The following ACO2 variants were observed in gnomAD, a reference collection of about 807,000 sequenced individuals.
ACO2 encodes aconitase 2.
ACO2 carries 31 observed loss-of-function variants against 84.5 expected under a neutral mutation model. That is an observed-to-expected ratio of 0.37 (90% CI 0.28 to 0.50). The LOEUF (loss-of-function observed/expected upper bound fraction) is 0.50. ACO2 is among the 20% of genes least tolerant of loss of function. The probability of loss-of-function intolerance (pLI) is 0.97; values close to 1 mark genes in which losing one functional copy is unlikely to be tolerated. For synonymous variants in ACO2, 414 were observed against 412.7 expected, an observed-to-expected ratio of 1.00 and a Z score of -0.04; for missense variants, 685 against 1,029.3, an observed-to-expected ratio of 0.67 and a Z score of 4.58.
In ACO2 at chr22:41,523,208, C is replaced by T. The variant is rs1419587280; in HGVS notation, c.1300C>T (p.Gln434Ter). 6.2e-7 allele frequency: 1 copy of T among 1,611,732 alleles called. No homozygotes were observed. The change falls in exon 11 of 18, where the codon CAG (glutamine) becomes TAG (stop). Residue 434 changes from glutamine (Q) to a stop codon, truncating the protein, a stop_gained. Coordinates refer to ENST00000216254, the MANE Select transcript of ACO2 (RefSeq NM_001098.3). LOFTEE classifies it high-confidence loss of function. ...RATIERDGYAQILRDLGGIVL... is the reference protein window; with the variant it reads ...RATIERDGYA ...TGTCTTCCTCTCTCCCTGGCAGGCA[C>T]AGATCTTGAGGGATCTGGGTGGCAT...
intron 1 of ACO2, among the ~76,000 whole-genome samples, chr22:41,487,575 C>T (rs977033136): frequency 2.6e-5 from 4 of 152,150 alleles, no homozygotes; most frequent in African/African-American, 9.7e-5. Context: ...TTGAATTCTG[C>T]CCCTAACTTC....
At chr22:41,528,377 C>T (rs2066647987) in intron 17 of ACO2, 102 bp from the exon 18 acceptor site, 5 of 1,503,984 alleles carry the variant, frequency 3.3e-6, no homozygotes, top group African/African-American at 1.4e-5. Flanking sequence ...TGCCTGCTGA[C>T]CTCTTAGGTC....
intron 1 of ACO2, among the ~76,000 whole-genome samples, chr22:41,483,051 C>G (rs2038107621): frequency 6.6e-6 from 1 of 152,174 alleles, no homozygotes; most frequent in South Asian, 2.1e-4. Flanking sequence ...GATTTTCTGC[C>G]TCGAGGCCAC....
At chr22:41,525,002 G>A (rs773778085) in intron 13 of ACO2, 34 bp downstream of exon 13, 5 of 1,613,956 alleles carry the variant, frequency 3.1e-6, no homozygotes, top group East Asian at 4.5e-5. Flanking sequence ...GCTGGTTGCT[G>A]TGTGGCCACG....
intron 3 of ACO2, among the ~76,000 whole-genome samples, chr22:41,508,790 C>T (rs947608148): frequency 6.6e-6 from 1 of 152,342 alleles, no homozygotes; most frequent in Non-Finnish European, 1.5e-5. Flanking sequence ...AGCTCTGGGC[C>T]TCCCCACTCT....
intron 1 of ACO2, among the ~76,000 whole-genome samples, chr22:41,469,670 G>A (rs2037918056): frequency 6.6e-6 from 1 of 152,124 alleles, no homozygotes. Flanking sequence ...ACCTTTTGAG[G>A]ACCCTGCGGA....
At chr22:41,516,220 A>C in intron 6 of ACO2, 1 of 596,524 alleles carries the variant, frequency 1.7e-6, no homozygotes, top group South Asian at 2.0e-5. Flanking sequence ...CCATAGCACT[A>C]GGCCACCTTG....
chr22:41,483,473 A>G (rs1272983326), intron 1 of ACO2, among the ~76,000 whole-genome samples: 3 of 152,114 alleles, frequency 2.0e-5, no homozygotes, highest in Non-Finnish European at 2.9e-5. Context: ...CCTAGCCAAC[A>G]TGGCAAAACC....
At position 41,526,417 on chromosome 22, in the gene ACO2, G is replaced by C. The variant is rs2066597442; in HGVS notation, c.1917G>C (p.Glu639Asp). 4 of 1,613,692 alleles carry C rather than the reference G, an allele frequency of 2.5e-6. No individual in the cohort carries two copies. Among genetic ancestry groups the C allele is most frequent in the Non-Finnish European group, 3.4e-6 (4 of 1,179,898 alleles). ...CCGTGCGCAATGCCGTCACTCAGGA[G>C]TTTGGCCCCGTCCCTGACACTGCCC... Reference protein sequence around the residue: ...ANSVRNAVTQEFGPVPDTARY... With the variant: ...ANSVRNAVTQDFGPVPDTARY... The change falls in exon 15 of 18, where the codon GAG becomes GAC. Residue 639 changes from glutamate (E) to aspartate (D), a missense_variant. By Grantham distance (45) the Glu-to-Asp change is conservative. This residue lies in a region of ACO2 where 174 missense variants were observed against 236.6 expected (regional missense o/e 0.74). Coordinates refer to ENST00000216254, the MANE Select transcript of ACO2 (RefSeq NM_001098.3).
chr22:41,469,234 G>A lies in ACO2; in HGVS notation c.36+52G>A, dbSNP rs1431990279. On this transcript the variant is annotated intron_variant, in intron 1 of 17. Coordinates refer to ENST00000216254, the MANE Select transcript of ACO2 (RefSeq NM_001098.3). ...TCACGGGGGCGGGGTGCCTCCTACT[G>A]TGCCGGCGGCTGTGGGCGAGGCAGG... The A allele has an allele frequency of 1.9e-6, 3 of 1,582,414 alleles. No individual in the cohort carries two copies. In the South Asian group the frequency reaches 3.4e-5, roughly 18 times the overall value.
chr22:41,524,429 CTTGG>C (rs1011978217), intron 12 of ACO2, among the ~76,000 whole-genome samples: 4 of 152,168 alleles, frequency 2.6e-5, no homozygotes, highest in African/African-American at 9.7e-5. Flanking sequence ...GCTCTCTTGA[CTTGG>C]TTGTTTATCT....
At chr22:41,482,458 C>G (rs2038099891) in intron 1 of ACO2, among the ~76,000 whole-genome samples, 1 of 152,228 alleles carries the variant, frequency 6.6e-6, no homozygotes, top group South Asian at 2.1e-4. Flanking sequence ...ACAAGAGTCA[C>G]ACAGAGATGT....
At chr22:41,514,807 A>G (rs780265412) in intron 4 of ACO2, among the ~76,000 whole-genome samples, 5 of 152,258 alleles carry the variant, frequency 3.3e-5, no homozygotes, top group Non-Finnish European at 5.9e-5. Context: ...TGAGCAAGTC[A>G]CATGGGTTCT....
rs763237550 is a variant in ACO2 at position 41,515,956 on chromosome 22, G to A, written c.835+39G>A. The A allele has an allele frequency of 1.9e-6, 3 of 1,597,036 alleles. No individual in the cohort carries two copies. Among genetic ancestry groups the A allele is most frequent in the Non-Finnish European group, 2.6e-6 (3 of 1,171,464 alleles). On this transcript the variant is annotated intron_variant, in intron 6 of 17. Transcript: ENST00000216254. This position sits in a 1 kb window ranked among gnomAD's most constrained non-coding sequence, Gnocchi z 5.8. Reference sequence around the variant, plus strand: ...CCAGGCGACGTGGCCCCTACCCTGTGCTGGGCCTGATGGGTCTCCAGTTGG... The same window carrying A: ...CCAGGCGACGTGGCCCCTACCCTGTACTGGGCCTGATGGGTCTCCAGTTGG...
intron 1 of ACO2, among the ~76,000 whole-genome samples, chr22:41,486,805 G>A (rs980079526): frequency 3.3e-5 from 5 of 152,048 alleles, no homozygotes; most frequent in Non-Finnish European, 7.4e-5. Flanking sequence ...AAGGTCCCTC[G>A]TGATACCTGG....
chr22:41,528,715 G>A lies in ACO2; in HGVS notation c.*102G>A. 3 of 1,483,818 alleles carry A rather than the reference G, an allele frequency of 2.0e-6. No homozygotes were observed. The highest frequency in any genetic ancestry group is 1.4e-5 in the African/African-American group (1 of 72,216). 91.9% of individuals were successfully genotyped at this position (1,483,818 alleles called of 1,614,324 possible). Reference sequence around the variant, plus strand: ...CCATGGCTTCCTATTCCAAGATGGTGTGACCAGACATGCTTCCTGCTCCCC... The same window carrying A: ...CCATGGCTTCCTATTCCAAGATGGTATGACCAGACATGCTTCCTGCTCCCC... On this transcript the variant is annotated 3_prime_UTR_variant, in exon 18 of 18. Transcript: ENST00000216254.
intron 3 of ACO2, among the ~76,000 whole-genome samples, chr22:41,509,274 T>C (rs2267436): frequency 0.14 from 21,408 of 152,098 alleles, 1,958 homozygotes; most frequent in East Asian, 0.27. Context: ...TGCACACTCA[T>C]AGCATTCAGA....
intron 4 of ACO2, 129 bp downstream of exon 4, chr22:41,512,097 T>C (rs1001872112): frequency 2.7e-5 from 16 of 596,370 alleles, no homozygotes; most frequent in Non-Finnish European, 2.0e-5. Flanking sequence ...TCAGCTCTTA[T>C]GCTCTTCCTC....
At chr22:41,472,571 A>C (rs1304720274) in intron 1 of ACO2, among the ~76,000 whole-genome samples, 1 of 152,150 alleles carries the variant, frequency 6.6e-6, no homozygotes, top group Non-Finnish European at 1.5e-5. Flanking sequence ...GCTACCAGGT[A>C]GTAAGATTAG....
Sources: allele counts gnomAD v4.1 joint callset (sites outside exome capture counted in the v4.1 genomes callset), GRCh38; gene constraint gnomAD v4.1.1; regional missense constraint gnomAD v4.1.1; non-coding constraint Gnocchi (gnomAD v3.1); transcripts MANE v1.5; gene names NCBI Gene and HGNC (gene_info 2026-07-23, HGNC 2026-07-21).